Variants in FBXL5 observed in about 807,000 individuals in gnomAD.
FBXL5 encodes the protein F-box/LRR-repeat protein 5.
In FBXL5, 26 loss-of-function variants were observed where a neutral mutation model predicts 78.3. The ratio of observed to expected loss-of-function variants is 0.33; its 90% CI spans 0.24 to 0.46. The LOEUF (loss-of-function observed/expected upper bound fraction) is 0.46, where lower values mean the gene tolerates loss of function less well. Among genes scored for constraint, FBXL5 ranks in the 20% least tolerant of loss-of-function variants. The probability of loss-of-function intolerance (pLI) is 1.00; values close to 1 mark genes in which losing one functional copy is unlikely to be tolerated. For synonymous variants in FBXL5, 295 were observed against 282.5 expected (o/e 1.04, Z -0.45); for missense variants, 710 against 829.2 (o/e 0.86, Z 1.77).
At chr4:15,672,851 T>TA (rs1181534534) in intron 1 of FBXL5, among the ~76,000 whole-genome samples, 1 of 152,184 alleles carries the variant, frequency 6.6e-6, no homozygotes, top group Non-Finnish European at 1.5e-5. Context: ...TAGCTTAAAA[T>TA]ACATGTTGTA....
At chr4:15,640,924 C>T in intron 2 of FBXL5, 41 bp from the exon 3 acceptor site, 2 of 1,147,166 alleles carry the variant, frequency 1.7e-6, no homozygotes, top group Admixed American at 5.4e-5. Flanking sequence ...AAAAGTTTCG[C>T]TTCATTAATT....
At chr4:15,645,086 C>T (rs925303448) in intron 1 of FBXL5, among the ~76,000 whole-genome samples, 6 of 151,842 alleles carry the variant, frequency 4.0e-5, no homozygotes, top group African/African-American at 1.5e-4. Context: ...TTAAATACAA[C>T]AGACGGGTAG....
chr4:15,615,913 C>T (rs537177072), intron 9 of FBXL5, among the ~76,000 whole-genome samples: 10 of 152,230 alleles, frequency 6.6e-5, no homozygotes, highest in East Asian at 3.9e-4. Flanking sequence ...TTTGTTCTTT[C>T]GCTCTTTGCA....
chr4:15,619,187 G>A (rs73239189), intron 9 of FBXL5, among the ~76,000 whole-genome samples: 13,562 of 151,980 alleles, frequency 0.089, 770 homozygotes, highest in Non-Finnish European at 0.13. Context: ...TCCCAAACAC[G>A]TACAAGAAGG....
At chr4:15,617,517 C>T (rs1232703903) in intron 9 of FBXL5, among the ~76,000 whole-genome samples, 3 of 140,290 alleles carry the variant, frequency 2.1e-5, no homozygotes, top group Non-Finnish European at 3.0e-5. Context: ...CACTGTACTC[C>T]AGCCCAACAG....
chr4:15,609,845 CTTA>C (rs906817231), intron 10 of FBXL5, among the ~76,000 whole-genome samples: 3 of 151,958 alleles, frequency 2.0e-5, no homozygotes, highest in African/African-American at 4.8e-5. Context: ...TGATAACTAA[CTTA>C]TTATCTCCAA....
chr4:15,680,814 C>T (rs6850422), intron 1 of FBXL5, among the ~76,000 whole-genome samples: 96,506 of 151,274 alleles, frequency 0.64, 30,931 homozygotes, highest in Non-Finnish European at 0.66. Flanking sequence ...AATTCAAGCT[C>T]CTGTATCTAA....
intron 5 of FBXL5, among the ~76,000 whole-genome samples, chr4:15,631,488 G>A (rs77743450): frequency 0.23 from 34,463 of 152,064 alleles, 4,240 homozygotes; most frequent in Admixed American, 0.29. Flanking sequence ...TTAAGGAATC[G>A]CCACACTGTC....
chr4:15,641,508 C>G (rs1714869589), intron 2 of FBXL5: 1 of 380,982 alleles, frequency 2.6e-6, no homozygotes, highest in African/African-American at 2.4e-5. Context: ...TAGTAACATT[C>G]TTTTCTCTAG....
chr4:15,605,005 A>G lies in FBXL5; in HGVS notation c.*718T>C, dbSNP rs1200789883. ...ATAATAAAAATCACAACACAACAGTATTACTTGGTAAAGTCCTCAAAGTAG... is the reference window on the plus strand; with the variant it reads ...ATAATAAAAATCACAACACAACAGTGTTACTTGGTAAAGTCCTCAAAGTAG... On this transcript the variant is annotated 3_prime_UTR_variant, in exon 11 of 11. Coordinates refer to ENST00000341285, the MANE Select transcript of FBXL5 (RefSeq NM_012161.4). 1.3e-5 allele frequency: 2 copies of G among 152,482 alleles called. No homozygotes were observed. Among genetic ancestry groups the G allele is most frequent in the Admixed American group, 6.5e-5 (1 of 15,286 alleles). The allele number at this position is 152,482 out of a possible 1,614,324, so 9.4% of individuals were successfully genotyped here.
upstream of FBXL5, among the ~76,000 whole-genome samples, chr4:15,660,743 T>C (rs1349134582): frequency 2.0e-5 from 3 of 152,172 alleles, no homozygotes; most frequent in African/African-American, 7.2e-5. Context: ...CCAGGCTGAC[T>C]TGTTAAGGGA....
chr4:15,609,610 A>G (rs930880356), intron 10 of FBXL5, among the ~76,000 whole-genome samples: 10 of 152,100 alleles, frequency 6.6e-5, no homozygotes, highest in Non-Finnish European at 1.2e-4. Flanking sequence ...TTTATTTGCT[A>G]TCATTGCTCA....
At chr4:15,642,635 T>G (rs1237015419) in intron 2 of FBXL5, among the ~76,000 whole-genome samples, 1 of 152,202 alleles carries the variant, frequency 6.6e-6, no homozygotes, top group Non-Finnish European at 1.5e-5. Flanking sequence ...CAATATTCAG[T>G]CTAATGTCCT....
rs746885076 is a variant in FBXL5, at chr4:15,628,029, C to T, written c.897G>A (p.Glu299=). 1.2e-6 allele frequency: 2 copies of T among 1,613,138 alleles called. No individual in the cohort carries two copies. The highest frequency in any genetic ancestry group is 2.7e-5 in the African/African-American group (2 of 74,892). Residue 299 remains glutamate (E), a synonymous_variant, in exon 7 of 11, where the codon GAG becomes GAA. Coordinates refer to ENST00000341285, the MANE Select transcript of FBXL5 (RefSeq NM_012161.4). The stretch of plus-strand genomic sequence containing the variant: ...TGATAGCAATTGATTCCTCCGCAGA[C>T]TCTTCTGTAAAATGAATTCAAAAGT... The part of the protein sequence containing the change: ...DEDADIDESE[E]SAEESIAISI...
intron 1 of FBXL5, among the ~76,000 whole-genome samples, chr4:15,676,364 G>T (rs1717991531): frequency 6.6e-6 from 1 of 151,990 alleles, no homozygotes; most frequent in Admixed American, 6.6e-5. Flanking sequence ...GATTGTATGA[G>T]GATGGAAACA....
Position 15,640,670 on chromosome 4 carries a change from G to A in FBXL5, c.396+118C>T, listed in dbSNP as rs1342105495. ...TTTCTTTTTTCCCAAAAAGAACTGC[G>A]TTCTTCTCTCCATCAACCAGATACA... is the stretch of plus-strand genomic sequence containing the variant. On this transcript the variant is annotated intron_variant, in intron 3 of 10. Transcript: ENST00000341285. 1.7e-5 allele frequency: 8 copies of A among 483,178 alleles called. No homozygotes were observed. In the East Asian group the frequency reaches 1.7e-4, roughly 10 times the overall value. The allele number at this position is 483,178 out of a possible 1,614,324, so 29.9% of individuals were successfully genotyped here. A position where few individuals can be genotyped will look rare whatever the true frequency, so the allele number is the denominator to read the frequency against.
chr4:15,656,281 C>A (rs992191450), upstream of FBXL5: 1 of 456,186 alleles, frequency 2.2e-6, no homozygotes, highest in Admixed American at 2.3e-5. Flanking sequence ...GGCCACAGAC[C>A]TCCTGGAGAC....
chr4:15,680,062 A>C (rs1241360707), intron 1 of FBXL5, among the ~76,000 whole-genome samples: 2 of 152,230 alleles, frequency 1.3e-5, no homozygotes, highest in South Asian at 2.1e-4. Flanking sequence ...ACAGGAAAAA[A>C]TAAGTTTAAT....
chr4:15,664,109 T>A (rs1717429578), upstream of FBXL5, among the ~76,000 whole-genome samples: 2 of 152,226 alleles, frequency 1.3e-5, no homozygotes, highest in South Asian at 4.1e-4. Context: ...AGCTTCTATC[T>A]TTTTAGGTAA....
Sources: allele counts gnomAD v4.1 joint callset (sites outside exome capture counted in the v4.1 genomes callset), GRCh38; gene constraint gnomAD v4.1.1; transcripts MANE v1.5; gene names NCBI Gene and HGNC (gene_info 2026-07-23, HGNC 2026-07-21).